The following TPST1 variants were observed in gnomAD, a reference collection of about 807,000 sequenced individuals.
TPST1 encodes the protein protein-tyrosine sulfotransferase 1.
A neutral mutation model predicts 34.8 loss-of-function variants in TPST1; 20 were observed. That is an observed-to-expected ratio of 0.57 (90% CI 0.40 to 0.84). TPST1 has a LOEUF of 0.84. TPST1 is among the 40% of genes least tolerant of loss of function. The pLI is 0.00. For missense variants in TPST1, 353 were observed against 455.5 expected, an observed-to-expected ratio of 0.78 and a Z score of 2.05; for synonymous variants, 152 against 159.4, an observed-to-expected ratio of 0.95 and a Z score of 0.35.
intron 5 of TPST1, 121 bp downstream of exon 5, chr7:66,356,992 T>C (rs1792595004): frequency 1.2e-6 from 1 of 857,268 alleles, no homozygotes; most frequent in East Asian, 2.6e-5. Context: ...GAATCCTGCC[T>C]CTTCACTTTC....
chr7:66,312,997 T>G (rs148154365), intron 3 of TPST1, among the ~76,000 whole-genome samples: 153 of 151,840 alleles, frequency 1.0e-3, no homozygotes, highest in African/African-American at 3.5e-3. Flanking sequence ...AAGAACATTA[T>G]GAAAACGTGT....
At chr7:66,354,092 AGAGT>A (rs1190549987) in intron 4 of TPST1, among the ~76,000 whole-genome samples, 1 of 152,238 alleles carries the variant, frequency 6.6e-6, no homozygotes, top group African/African-American at 2.4e-5. Flanking sequence ...GTGAGGAATT[AGAGT>A]AAGTCCTCAG....
chr7:66,234,700 G>T (rs1052830216), intron 1 of TPST1, among the ~76,000 whole-genome samples: 1 of 151,950 alleles, frequency 6.6e-6, no homozygotes, highest in Non-Finnish European at 1.5e-5. Context: ...TTTTGGAGAC[G>T]GAGTCTCGTT....
At chr7:66,278,579 T>C (rs1207286813) in intron 2 of TPST1, among the ~76,000 whole-genome samples, 1 of 152,030 alleles carries the variant, frequency 6.6e-6, no homozygotes, top group East Asian at 1.9e-4. Flanking sequence ...GGTCAGGAGA[T>C]TGAGACCATC....
chr7:66,300,481 AT>A, intron 3 of TPST1, among the ~76,000 whole-genome samples: 1 of 152,316 alleles, frequency 6.6e-6, no homozygotes, highest in East Asian at 1.9e-4. Context: ...ATTCTTCCAA[AT>A]TCCTGTTAAC....
intron 3 of TPST1, among the ~76,000 whole-genome samples, chr7:66,306,700 T>C (rs1196764844): frequency 6.6e-6 from 1 of 152,112 alleles, no homozygotes; most frequent in African/African-American, 2.4e-5. Flanking sequence ...CTCATATAGT[T>C]TTTTGTTTTG....
intron 3 of TPST1, among the ~76,000 whole-genome samples, chr7:66,296,070 A>G (rs1370313540): frequency 1.3e-5 from 2 of 152,210 alleles, no homozygotes; most frequent in Admixed American, 6.5e-5. Flanking sequence ...GGCAGTAGAC[A>G]TTATAGTTTT....
chr7:66,351,080 C>G (rs1345066530), intron 3 of TPST1, among the ~76,000 whole-genome samples: 1 of 152,182 alleles, frequency 6.6e-6, no homozygotes. Context: ...CTCAGCTTCT[C>G]TCTCTCAATC....
intron 3 of TPST1, among the ~76,000 whole-genome samples, chr7:66,351,536 A>G (rs1792478250): frequency 6.6e-6 from 1 of 152,220 alleles, no homozygotes; most frequent in Non-Finnish European, 1.5e-5. Flanking sequence ...TTGTAGCTGT[A>G]TAATAGTAAT....
At chr7:66,302,829 A>G (rs1171639142) in intron 3 of TPST1, among the ~76,000 whole-genome samples, 1 of 152,208 alleles carries the variant, frequency 6.6e-6, no homozygotes, top group Non-Finnish European at 1.5e-5. Flanking sequence ...GTCTTTTGGG[A>G]TCAGCTGCAT....
At chr7:66,209,378 G>T (rs946441254) in intron 1 of TPST1, among the ~76,000 whole-genome samples, 54 of 152,318 alleles carry the variant, frequency 3.5e-4, no homozygotes, top group African/African-American at 1.3e-3. Context: ...TATGGGAGCC[G>T]CTCATGAATG....
intron 1 of TPST1, among the ~76,000 whole-genome samples, chr7:66,236,194 A>G (rs1433989547): frequency 6.6e-6 from 1 of 151,962 alleles, no homozygotes. Flanking sequence ...CCCAAGATTT[A>G]TTTTCCTTTC....
chr7:66,247,451 T>C (rs1790171546), intron 2 of TPST1, among the ~76,000 whole-genome samples: 1 of 151,956 alleles, frequency 6.6e-6, no homozygotes, highest in African/African-American at 2.4e-5. Flanking sequence ...CAAAGAACTA[T>C]GGAAAACCAA....
At chr7:66,359,712 G>C (rs1477319970) in intron 5 of TPST1, among the ~76,000 whole-genome samples, 183 bp from the exon 6 acceptor site, 1 of 152,188 alleles carries the variant, frequency 6.6e-6, no homozygotes, top group African/African-American at 2.4e-5. Context: ...GGGTGTGTGT[G>C]CCTCCCAGGC....
chr7:66,256,168 T>A (rs1306821029), intron 2 of TPST1, among the ~76,000 whole-genome samples: 1 of 152,188 alleles, frequency 6.6e-6, no homozygotes, highest in Non-Finnish European at 1.5e-5. Flanking sequence ...TTAATGAATT[T>A]TGTTGTATTT....
intron 3 of TPST1, among the ~76,000 whole-genome samples, chr7:66,305,858 GC>G (rs1013791884): frequency 2.0e-5 from 3 of 152,150 alleles, no homozygotes; most frequent in Non-Finnish European, 4.4e-5. Flanking sequence ...AAGTAATTTG[GC>G]CATTTCACTT....
chr7:66,242,486 A>C (rs1432803928), intron 2 of TPST1, among the ~76,000 whole-genome samples: 1 of 152,172 alleles, frequency 6.6e-6, no homozygotes, highest in East Asian at 1.9e-4. Context: ...TGCCTGTACC[A>C]AGCTTTCAAT....
At chr7:66,228,861 C>T (rs551147348) in intron 1 of TPST1, among the ~76,000 whole-genome samples, 21 of 152,186 alleles carry the variant, frequency 1.4e-4, no homozygotes, top group African/African-American at 4.6e-4. Context: ...CTGTCTTCCT[C>T]CTTCCCCCAG....
chr7:66,256,608 G>A (rs991142210), intron 2 of TPST1, among the ~76,000 whole-genome samples: 2 of 152,232 alleles, frequency 1.3e-5, no homozygotes. Context: ...AGAAAGTAAA[G>A]AAGATGGAAG....
Sources: gnomAD v4.1 joint callset for allele counts (sites outside exome capture counted in the v4.1 genomes callset) on GRCh38, gnomAD v4.1.1 for gene constraint, MANE v1.5 for transcripts, NCBI Gene and HGNC (gene_info 2026-07-23, HGNC 2026-07-21) for gene names.